TUBGCP2: variants seen among roughly 807,000 people sequenced by gnomAD.
TUBGCP2 encodes the protein gamma-tubulin complex component 2.
A neutral mutation model predicts 92.2 loss-of-function variants in TUBGCP2; 55 were observed. That is an observed-to-expected ratio of 0.60 (90% CI 0.48 to 0.75). TUBGCP2 has a LOEUF of 0.75. Among genes scored for constraint, TUBGCP2 ranks in the 30% least tolerant of loss-of-function variants. The pLI is 0.00. For missense variants in TUBGCP2, 1,093 were observed against 1,188.9 expected (o/e 0.92, Z 1.19); for synonymous variants, 533 against 505.2 (o/e 1.06, Z -0.74).
In TUBGCP2 at chr10:133,293,733, A is replaced by T; in HGVS notation, c.653T>A (p.Val218Glu). ...CACCAGCACGTACAGCAGGTCCTCC[A>T]CCACGGCCGACTCCTGCGAGGCCAG... Reference protein sequence around the residue: ...LPLASQESAVVEDLLYVLVGV... With the variant: ...LPLASQESAVEEDLLYVLVGV... The change falls in exon 6 of 18, where the codon GTG becomes GAG. Residue 218 changes from valine to glutamate, a missense_variant. Transcript: ENST00000252936. The T allele has an allele frequency of 1.9e-5, 30 of 1,600,770 alleles. No homozygotes were observed. Among genetic ancestry groups the T allele is most frequent in the Non-Finnish European group, 2.6e-5 (30 of 1,174,714 alleles).
intron 11 of TUBGCP2, among the ~76,000 whole-genome samples, chr10:133,286,153 G>T (rs1207654247): frequency 2.0e-5 from 3 of 152,050 alleles, no homozygotes; most frequent in Non-Finnish European, 2.9e-5. Context: ...GAAGAAACAA[G>T]CAGCGGACAG....
At chr10:133,302,739 G>T in intron 2 of TUBGCP2, 53 bp downstream of exon 2, 1 of 1,606,018 alleles carries the variant, frequency 6.2e-7, no homozygotes, top group South Asian at 1.1e-5. Context: ...GCACCACCCT[G>T]ACCCAGGAAC....
Position 133,279,733 on chromosome 10 carries a change from C to G in TUBGCP2, c.*33G>C, listed in dbSNP as rs1343895387. The stretch of plus-strand genomic sequence containing the variant: ...ACCCATTTGCACCAGTCCCTGCTGA[C>G]CCCACACCCTTCCTTCCTGTCACAG... On this transcript the variant is annotated 3_prime_UTR_variant, in exon 18 of 18. Transcript: ENST00000252936. The G allele has an allele frequency of 6.5e-7, 1 of 1,539,870 alleles. No individual in the cohort carries two copies.
intron 13 of TUBGCP2, among the ~76,000 whole-genome samples, chr10:133,284,398 T>C (rs1847076136): frequency 6.6e-6 from 1 of 152,254 alleles, no homozygotes; most frequent in Non-Finnish European, 1.5e-5. Context: ...AGGGTCTTGC[T>C]GTCGCTCAGA....
intron 5 of TUBGCP2, chr10:133,296,097 G>GGGTTCACA (rs1390285745): frequency 6.6e-6 from 1 of 152,346 alleles, no homozygotes; most frequent in Non-Finnish European, 1.5e-5. Context: ...GCTGGCTGCA[G>GGGTTCACA]GGTTCACAGC....
In TUBGCP2 at chr10:133,297,472, TAAC is replaced by T. The variant is rs1302730929; in HGVS notation, c.616+477_616+479del. On this transcript the variant is annotated intron_variant, in intron 5 of 17. Transcript: ENST00000252936. ...AGATGAACACATCCCAGGTCCCCAA[TAAC>T]AACGTCTTGAAATGACTGTGTGGTC... is the stretch of plus-strand genomic sequence containing the variant. 9.1e-6 allele frequency: 4 copies of T among 438,070 alleles called. No individual in the cohort carries two copies. In the East Asian group the frequency reaches 2.1e-4, roughly 23 times the overall value. The allele number at this position is 438,070 out of a possible 1,614,324, so 27.1% of individuals were successfully genotyped here. A position where few individuals can be genotyped will look rare whatever the true frequency, so the allele number is the denominator to read the frequency against.
chr10:133,291,317 A>AT (rs1564938939), intron 8 of TUBGCP2, among the ~76,000 whole-genome samples: 11 of 44,112 alleles, frequency 2.5e-4, no homozygotes, highest in Admixed American at 5.3e-4. Flanking sequence ...CCTGTACGGG[A>AT]GAGGGCAGCA....
In TUBGCP2 at chr10:133,283,540, G is replaced by A. The variant is rs115122900; in HGVS notation, c.2146-319C>T. Among the ~76,000 whole-genome samples, 584 of 152,244 alleles carry A rather than the reference G, an allele frequency of 3.8e-3. 3 individuals are homozygous for A. Among genetic ancestry groups the A allele is most frequent in the African/African-American group, 0.013 (546 of 41,488 alleles). The stretch of plus-strand genomic sequence containing the variant: ...GGAGAGACAACCTCGGGGCAAAGAC[G>A]GCTCAGAGTCCCCCTAGGACGGCAG... On this transcript the variant is annotated intron_variant, in intron 14 of 17. Coordinates refer to ENST00000252936, the MANE Select transcript of TUBGCP2 (RefSeq NM_006659.4).
In TUBGCP2 at chr10:133,292,638, G is replaced by A. The variant is rs1847384842; in HGVS notation, c.1075C>T (p.Leu359Phe). 6.8e-6 allele frequency: 11 copies of A among 1,614,000 alleles called. No homozygotes were observed. The highest frequency in any genetic ancestry group is 9.3e-6 in the Non-Finnish European group (11 of 1,180,014). The change falls in exon 8 of 18, where the codon CTC becomes TTC. Residue 359 changes from leucine (L) to phenylalanine (F), a missense_variant. Coordinates refer to ENST00000252936, the MANE Select transcript of TUBGCP2 (RefSeq NM_006659.4). Reference protein sequence around the residue: ...ECLGGSTLSLLHDRSFSYTGD... With the variant: ...ECLGGSTLSLFHDRSFSYTGD... ...GTGTAGCTGAAGCTCCTGTCGTGGAGCAGGCTCAGCGTGGACCCCCCAAGA... is the reference window on the plus strand; with the variant it reads ...GTGTAGCTGAAGCTCCTGTCGTGGAACAGGCTCAGCGTGGACCCCCCAAGA...
intron 1 of TUBGCP2, among the ~76,000 whole-genome samples, chr10:133,307,750 GAAA>G (rs1209017479): frequency 6.6e-6 from 1 of 151,836 alleles, no homozygotes; most frequent in Non-Finnish European, 1.5e-5. Context: ...ATCTCCAAAA[GAAA>G]AAAAGAGAAA....
intron 13 of TUBGCP2, among the ~76,000 whole-genome samples, chr10:133,284,740 G>A (rs901012744): frequency 6.6e-6 from 1 of 152,138 alleles, no homozygotes; most frequent in African/African-American, 2.4e-5. Flanking sequence ...AAGCACCTCT[G>A]GTCCCAGCAA....
chr10:133,303,095 C>G, intron 1 of TUBGCP2, 115 bp from the exon 2 acceptor site: 1 of 950,472 alleles, frequency 1.1e-6, no homozygotes, highest in South Asian at 1.6e-5. Flanking sequence ...TATCACCTGG[C>G]CTGCCTGGCC....
In TUBGCP2 at chr10:133,279,317, A is replaced by T. The variant is rs1324276957; in HGVS notation, c.*449T>A. 1 of 164,612 alleles carries T rather than the reference A, an allele frequency of 6.1e-6. No homozygotes were observed. Among genetic ancestry groups the T allele is most frequent in the East Asian group, 1.9e-4 (1 of 5,248 alleles). The allele number at this position is 164,612 out of a possible 1,614,324, so 10.2% of individuals were successfully genotyped here. On this transcript the variant is annotated 3_prime_UTR_variant, in exon 18 of 18. Transcript: ENST00000252936. ...GGGGCTGCCTCTGGGGCCAAAGCAA[A>T]CCCGACACCCGATGCCCGGTGGGTT... is the stretch of plus-strand genomic sequence containing the variant.
intron 11 of TUBGCP2, among the ~76,000 whole-genome samples, chr10:133,287,722 CAA>C (rs769762605): frequency 5.2e-4 from 78 of 149,636 alleles, no homozygotes; most frequent in Non-Finnish European, 1.0e-3. Flanking sequence ...GCCTGGGTGA[CAA>C]GAGCAAAACT....
At position 133,292,691 on chromosome 10, in the gene TUBGCP2, G is replaced by A. The variant is rs1455988407; in HGVS notation, c.1025-3C>T. ...TTCGCCTTTGTCCACCGAGGTGGCT[G>A]TGGGGAGAAAGGAGGGCTCACTGCT... On this transcript the variant is annotated splice_region_variant and splice_polypyrimidine_tract_variant and intron_variant, in intron 7 of 17. Coordinates refer to ENST00000252936, the MANE Select transcript of TUBGCP2 (RefSeq NM_006659.4). The A allele has an allele frequency of 1.9e-6, 3 of 1,611,744 alleles. No individual in the cohort carries two copies. Among genetic ancestry groups the A allele is most frequent in the Non-Finnish European group, 2.5e-6 (3 of 1,178,814 alleles).
rs548542582 is a variant in TUBGCP2 at position 133,300,267 on chromosome 10, C to T, written c.151-154G>A. The T allele has an allele frequency of 4.4e-6, 4 of 918,656 alleles. No individual in the cohort carries two copies. In the African/African-American group the frequency reaches 5.0e-5, roughly 12 times the overall value. The allele number at this position is 918,656 out of a possible 1,614,324, so 56.9% of individuals were successfully genotyped here. On this transcript the variant is annotated intron_variant, in intron 2 of 17. Coordinates refer to ENST00000252936, the MANE Select transcript of TUBGCP2 (RefSeq NM_006659.4). ...GAAATAAACTAACAAAACTCATCTCCATATTGTGTTAAACTTATCCATGTT... is the reference window on the plus strand; with the variant it reads ...GAAATAAACTAACAAAACTCATCTCTATATTGTGTTAAACTTATCCATGTT...
At chr10:133,308,992 G>T, upstream of TUBGCP2, 1 of 1,247,400 alleles carries the variant, frequency 8.0e-7, no homozygotes, top group South Asian at 3.9e-5. Context: ...GGGGCCCGGG[G>T]CGGCGGAGCC....
chr10:133,282,330 T>C lies in TUBGCP2; in HGVS notation c.2302A>G (p.Ser768Gly). ...FTNCMQKFTQ[S>G]MKLDGELGGQ... Reference sequence around the variant, plus strand: ...CCCAGCTCGCCATCTAATTTCATGCTCTGTGTAAATTTCTAGGGGGGGAGA... The same window carrying C: ...CCCAGCTCGCCATCTAATTTCATGCCCTGTGTAAATTTCTAGGGGGGGAGA... Residue 768 changes from serine to glycine, a missense_variant, in exon 16 of 18, where the codon AGC becomes GGC. Physicochemically the swap from Ser to Gly is moderately conservative, Grantham distance 56. Coordinates refer to ENST00000252936, the MANE Select transcript of TUBGCP2 (RefSeq NM_006659.4). 1 of 1,602,022 alleles carries C rather than the reference T, an allele frequency of 6.2e-7. No individual in the cohort carries two copies. Among genetic ancestry groups the C allele is most frequent in the Admixed American group, 1.7e-5 (1 of 58,834 alleles).
intron 3 of TUBGCP2, 132 bp from the exon 4 acceptor site, chr10:133,299,735 C>T (rs758287026): frequency 1.6e-4 from 140 of 894,114 alleles, no homozygotes; most frequent in Middle Eastern, 3.1e-4. Flanking sequence ...GCGACGCGTG[C>T]GACAGGCAGG....
Sources: gnomAD v4.1 joint callset for allele counts (sites outside exome capture counted in the v4.1 genomes callset) on GRCh38, gnomAD v4.1.1 for gene constraint, MANE v1.5 for transcripts, NCBI Gene and HGNC (gene_info 2026-07-23, HGNC 2026-07-21) for gene names.